Variants in IL1RAPL1 observed in about 807,000 individuals in gnomAD.
IL1RAPL1 encodes interleukin-1 receptor accessory protein-like 1.
In IL1RAPL1, 3 loss-of-function variants were observed where a neutral mutation model predicts 48.4. That is an observed-to-expected ratio of 0.06 (90% CI 0.03 to 0.16). The LOEUF (loss-of-function observed/expected upper bound fraction) is 0.16. Among genes scored for constraint, IL1RAPL1 ranks in the 10% least tolerant of loss-of-function variants. IL1RAPL1 has a pLI of 1.00. For missense variants in IL1RAPL1, 349 were observed against 530.6 expected (o/e 0.66, Z 3.36); for synonymous variants, 185 against 187.7 (o/e 0.99, Z 0.12).
chrX:29,201,842 G>A (rs776152410), intron 2 of IL1RAPL1, among the ~76,000 whole-genome samples: 8 of 110,989 alleles, frequency 7.2e-5, no homozygotes, highest in African/African-American at 2.3e-4. Flanking sequence ...ACAGGCATGC[G>A]CCACCACGCC....
chrX:28,686,290 G>C (rs763064856), intron 1 of IL1RAPL1, among the ~76,000 whole-genome samples: 18 of 112,041 alleles, frequency 1.6e-4, no homozygotes, highest in Admixed American at 1.5e-3. Flanking sequence ...ATTTTAAAGT[G>C]AGGATAAATA....
At chrX:29,271,280 T>C (rs1302340733) in intron 2 of IL1RAPL1, among the ~76,000 whole-genome samples, 1 of 112,177 alleles carries the variant, frequency 8.9e-6, no homozygotes, top group East Asian at 2.8e-4. Flanking sequence ...GGCATGTAGG[T>C]TGATTCTATG....
intron 2 of IL1RAPL1, among the ~76,000 whole-genome samples, chrX:29,106,886 C>T (rs190415955): frequency 3.1e-4 from 34 of 111,114 alleles, no homozygotes; most frequent in African/African-American, 9.5e-4. Flanking sequence ...GTTTGAAACA[C>T]GTATTTGCCA....
intron 6 of IL1RAPL1, among the ~76,000 whole-genome samples, chrX:29,792,854 C>T (rs892339774): frequency 1.8e-5 from 2 of 111,582 alleles, no homozygotes; most frequent in East Asian, 5.6e-4. Flanking sequence ...TCACAATCAA[C>T]CCTTTCTACT....
At chrX:29,845,811 C>G (rs369108482) in intron 6 of IL1RAPL1, among the ~76,000 whole-genome samples, 20 of 111,140 alleles carry the variant, frequency 1.8e-4, no homozygotes, top group Middle Eastern at 4.2e-3. Flanking sequence ...GGGGAGGCCT[C>G]AGGAAACTTA....
chrX:28,814,508 A>T (rs1429850441), intron 2 of IL1RAPL1, among the ~76,000 whole-genome samples: 6 of 109,696 alleles, frequency 5.5e-5, no homozygotes, highest in South Asian at 7.8e-4. Flanking sequence ...CTTTCCTTTG[A>T]TTAGTGTTAG....
chrX:29,348,622 C>G (rs1270003528), intron 3 of IL1RAPL1, among the ~76,000 whole-genome samples: 1 of 111,330 alleles, frequency 9.0e-6, no homozygotes, highest in African/African-American at 3.3e-5. Flanking sequence ...TGACTGCTTT[C>G]CTGCTTGGAT....
At chrX:28,972,038 T>C (rs148458498) in intron 2 of IL1RAPL1, among the ~76,000 whole-genome samples, 2,690 of 110,467 alleles carry the variant, frequency 0.024, 37 homozygotes, top group Middle Eastern at 0.051. Flanking sequence ...AAATTATATC[T>C]TATTTACTTC....
intron 5 of IL1RAPL1, among the ~76,000 whole-genome samples, chrX:29,541,128 C>G (rs1331499010): frequency 8.9e-6 from 1 of 112,047 alleles, no homozygotes; most frequent in African/African-American, 3.2e-5. Flanking sequence ...AAGACGTGAA[C>G]AGACACTTCT....
chrX:28,678,816 A>C (rs1471301599), intron 1 of IL1RAPL1, among the ~76,000 whole-genome samples: 1 of 112,338 alleles, frequency 8.9e-6, no homozygotes, highest in Non-Finnish European at 1.9e-5. Flanking sequence ...TTCATATAAC[A>C]TACAATTGAC....
rs751741637 is a variant in IL1RAPL1 at position 29,010,434 on chromosome X, G to A, written c.82+221009G>A. On this transcript the variant is annotated intron_variant, in intron 2 of 10. Coordinates refer to ENST00000378993, the MANE Select transcript of IL1RAPL1 (RefSeq NM_014271.4). Reference sequence around the variant, plus strand: ...TATGTTCCTTTGATGCCTGGTTTCCGGAGGGTTTTTATCATGAAGGGATGT... The same window carrying A: ...TATGTTCCTTTGATGCCTGGTTTCCAGAGGGTTTTTATCATGAAGGGATGT... 1.3e-4 allele frequency among the ~76,000 whole-genome samples: 15 copies of A among 111,268 alleles called. No homozygotes were observed. The South Asian group carries it at 3.0e-3, about 23-fold the overall frequency.
At chrX:29,568,567 C>A (rs189372033) in intron 5 of IL1RAPL1, among the ~76,000 whole-genome samples, 1 of 110,801 alleles carries the variant, frequency 9.0e-6, no homozygotes, top group East Asian at 2.8e-4. Flanking sequence ...TGGTGATTTT[C>A]TGAGAAAATT....
intron 5 of IL1RAPL1, among the ~76,000 whole-genome samples, chrX:29,500,140 G>A (rs899504051): frequency 9.1e-6 from 1 of 109,858 alleles, no homozygotes; most frequent in African/African-American, 3.3e-5. Context: ...ACCACACCTG[G>A]CTAATTTTTT....
chrX:28,721,791 C>T (rs1383508881), intron 1 of IL1RAPL1, among the ~76,000 whole-genome samples: 31 of 110,916 alleles, frequency 2.8e-4, no homozygotes, highest in African/African-American at 1.0e-3. Context: ...AGGAAGGGAT[C>T]CAGTTTCAGC....
chrX:29,433,001 GC>G (rs1934439330), intron 5 of IL1RAPL1, among the ~76,000 whole-genome samples: 1 of 109,949 alleles, frequency 9.1e-6, no homozygotes, highest in Admixed American at 9.7e-5. Context: ...CCGCTAAGGA[GC>G]TTTTTTAGTT....
chrX:28,635,312 G>A (rs929277923), intron 1 of IL1RAPL1, among the ~76,000 whole-genome samples: 1 of 111,750 alleles, frequency 8.9e-6, no homozygotes, highest in African/African-American at 3.3e-5. Flanking sequence ...TGCAAGTAGG[G>A]TACAATCTCA....
At chrX:29,420,952 G>A (rs1025091751) in intron 5 of IL1RAPL1, among the ~76,000 whole-genome samples, 3 of 111,910 alleles carry the variant, frequency 2.7e-5, no homozygotes, top group Non-Finnish European at 5.6e-5. Context: ...TCTGATGATA[G>A]GGTTTTCTTC....
intron 2 of IL1RAPL1, among the ~76,000 whole-genome samples, chrX:28,891,208 TTCAG>T (rs1404052851): frequency 8.9e-6 from 1 of 111,808 alleles, no homozygotes; most frequent in East Asian, 2.8e-4. Flanking sequence ...AATTAATTAA[TTCAG>T]TCAGTCAATT....
In IL1RAPL1 at chrX:29,950,133, T is replaced by C. The variant is rs1028547563; in HGVS notation, c.1202-4389T>C. Among the ~76,000 whole-genome samples the C allele has an allele frequency of 4.5e-5, 5 of 111,906 alleles. No individual in the cohort carries two copies. The East Asian group carries it at 1.1e-3, about 25-fold the overall frequency. ...ATAATCTACTTGGAAACAACTCCAT[T>C]ATAACTGGGAGATACTAACTTAAGT... On this transcript the variant is annotated intron_variant, in intron 9 of 10. Transcript: ENST00000378993.
Sources: gnomAD v4.1 joint callset for allele counts (sites outside exome capture counted in the v4.1 genomes callset) on GRCh38, gnomAD v4.1.1 for gene constraint, MANE v1.5 for transcripts, NCBI Gene and HGNC (gene_info 2026-07-23, HGNC 2026-07-21) for gene names.